Variants in GGA2 observed in about 807,000 individuals in gnomAD.
GGA2 encodes ADP-ribosylation factor-binding protein GGA2.
GGA2 carries 48 observed loss-of-function variants against 79.5 expected under a neutral mutation model. That is an observed-to-expected ratio of 0.60 (90% CI 0.48 to 0.77). The LOEUF (loss-of-function observed/expected upper bound fraction) is 0.77, where lower values mean the gene tolerates loss of function less well. GGA2 is among the 30% of genes least tolerant of loss of function. The pLI is 0.00. For synonymous variants in GGA2, 317 were observed against 302.0 expected (o/e 1.05, Z -0.51); for missense variants, 770 against 774.0 (o/e 0.99, Z 0.06).
chr16:23,520,847 G>A (rs1965136480), intron 1 of GGA2, among the ~76,000 whole-genome samples: 1 of 152,076 alleles, frequency 6.6e-6, no homozygotes, highest in Non-Finnish European at 1.5e-5. Flanking sequence ...GGAGTACAAT[G>A]GTGTGATCTT....
chr16:23,497,419 C>T (rs1191210378), intron 1 of GGA2, among the ~76,000 whole-genome samples: 1 of 152,070 alleles, frequency 6.6e-6, no homozygotes, highest in African/African-American at 2.4e-5. Context: ...CAGCACAGTC[C>T]GAGTTGAATT....
chr16:23,484,064 G>A (rs951972067), intron 8 of GGA2, among the ~76,000 whole-genome samples: 2 of 151,126 alleles, frequency 1.3e-5, no homozygotes, highest in Non-Finnish European at 3.0e-5. Flanking sequence ...CAAGGCAGGT[G>A]GATCACCTCA....
At chr16:23,512,535 C>G (rs1443383235), upstream of GGA2, among the ~76,000 whole-genome samples, 1 of 146,772 alleles carries the variant, frequency 6.8e-6, no homozygotes, top group Non-Finnish European at 1.5e-5. Flanking sequence ...TGTCCACACA[C>G]AAGCAAATGA....
At chr16:23,504,119 C>T (rs959953786) in intron 1 of GGA2, among the ~76,000 whole-genome samples, 3 of 151,164 alleles carry the variant, frequency 2.0e-5, no homozygotes, top group Non-Finnish European at 4.4e-5. Context: ...GGGTCAGATA[C>T]CATGCCAGAT....
chr16:23,478,990 T>G, intron 11 of GGA2, 79 bp from the exon 12 acceptor site: 1 of 963,878 alleles, frequency 1.0e-6, no homozygotes, highest in African/African-American at 1.6e-5. Context: ...ACACCCATCC[T>G]TTCTAGGACA....
intron 13 of GGA2, 45 bp from the exon 14 acceptor site, chr16:23,475,106 G>A (rs761958917): frequency 3.3e-5 from 42 of 1,265,214 alleles, no homozygotes; most frequent in South Asian, 4.2e-5. Context: ...AAATTGTAGC[G>A]ATTTCCTGGA....
In GGA2 at chr16:23,464,145, G is replaced by C. The variant is rs1964405875; in HGVS notation, c.*3445C>G. 1 of 152,056 alleles carries C rather than the reference G, an allele frequency of 6.6e-6. No individual in the cohort carries two copies. Among genetic ancestry groups the C allele is most frequent in the African/African-American group, 2.4e-5 (1 of 41,380 alleles). The allele number at this position is 152,056 out of a possible 1,614,324, so 9.4% of individuals were successfully genotyped here. On this transcript the variant is annotated 3_prime_UTR_variant, in exon 17 of 17. Coordinates refer to ENST00000309859, the MANE Select transcript of GGA2 (RefSeq NM_015044.4). Reference sequence around the variant, plus strand: ...GTCTCAATTTACACTATTTGTACTAGGTAATATTCACTTTTCTTTTGGTTG... The same window carrying C: ...GTCTCAATTTACACTATTTGTACTACGTAATATTCACTTTTCTTTTGGTTG...
rs1164741175 is a variant in GGA2 at position 23,478,424 on chromosome 16, A to G, written c.1236T>C (p.Pro412=). The change falls in exon 13 of 17, where the codon CCT becomes CCC. Residue 412 remains proline, a synonymous_variant. Transcript: ENST00000309859. The part of the protein sequence containing the change: ...STLPGGGVQN[P]SADRNLLDLL... ...GGTCCAGCAAATTCCTGTCTGCAGA[A>G]GGGTTCTGAACACCACCGCCTGGCA... 1.2e-6 allele frequency: 2 copies of G among 1,611,702 alleles called. No homozygotes were observed. The highest frequency in any genetic ancestry group is 1.7e-6 in the Non-Finnish European group (2 of 1,178,414).
At chr16:23,500,400 C>A (rs1964907766) in intron 1 of GGA2, among the ~76,000 whole-genome samples, 2 of 152,074 alleles carry the variant, frequency 1.3e-5, no homozygotes, top group Admixed American at 6.5e-5. Context: ...CCAGGGGGGT[C>A]TGCGGAGCTG....
intron 14 of GGA2, among the ~76,000 whole-genome samples, chr16:23,473,914 T>C (rs928345499): frequency 6.6e-6 from 1 of 152,234 alleles, no homozygotes; most frequent in Non-Finnish European, 1.5e-5. Flanking sequence ...TGTTTATTTA[T>C]AAATTTGTCT....
At chr16:23,473,624 G>A (rs1435321670) in intron 14 of GGA2, among the ~76,000 whole-genome samples, 7 of 151,756 alleles carry the variant, frequency 4.6e-5, no homozygotes, top group Admixed American at 4.6e-4. Flanking sequence ...CACTGCGTCT[G>A]GCCTATTCTA....
Position 23,510,401 on chromosome 16 carries a change from G to T in GGA2, c.11C>A (p.Thr4Asn). The T allele has an allele frequency of 7.2e-7, 1 of 1,379,394 alleles. No homozygotes were observed. Among genetic ancestry groups the T allele is most frequent in the Non-Finnish European group, 9.4e-7 (1 of 1,059,714 alleles). The allele number at this position is 1,379,394 out of a possible 1,614,324, so 85.4% of individuals were successfully genotyped here. Residue 4 changes from threonine (T) to asparagine (N), a missense_variant, in exon 1 of 17, where the codon ACC becomes AAC. By Grantham distance (65) the Thr-to-Asn change is moderately conservative. Transcript: ENST00000309859. Reference protein sequence around the residue: MAATAVAAAVAGTE... With the variant: MAANAVAAAVAGTE... Reference sequence around the variant, plus strand: ...TCCCGCCACAGCCGCCGCCACCGCGGTCGCCGCCATCGCTCCAGCCCCGAC... The same window carrying T: ...TCCCGCCACAGCCGCCGCCACCGCGTTCGCCGCCATCGCTCCAGCCCCGAC...
At chr16:23,498,045 C>T (rs1352406479) in intron 1 of GGA2, among the ~76,000 whole-genome samples, 1 of 152,022 alleles carries the variant, frequency 6.6e-6, no homozygotes, top group Middle Eastern at 3.2e-3. Context: ...TTTGGGAGGC[C>T]GAGGAGGGTG....
chr16:23,513,212 T>C (rs1965083983), upstream of GGA2, among the ~76,000 whole-genome samples: 5 of 152,162 alleles, frequency 3.3e-5, no homozygotes, highest in South Asian at 1.0e-3. Flanking sequence ...TTAACATTTT[T>C]ACATTGTTGG....
intron 8 of GGA2, among the ~76,000 whole-genome samples, chr16:23,483,519 G>A (rs1964675117): frequency 6.6e-6 from 1 of 152,238 alleles, no homozygotes; most frequent in South Asian, 2.1e-4. Context: ...TAAAAAACTG[G>A]AATGCAGAGG....
chr16:23,472,184 G>GTTT (rs749688834), intron 14 of GGA2, among the ~76,000 whole-genome samples: 22 of 54,864 alleles, frequency 4.0e-4, no homozygotes, highest in East Asian at 1.1e-3. Context: ...TGTAGCCCTG[G>GTTT]TTTTTTTTTT....
chr16:23,477,140 T>C (rs2142118222), intron 13 of GGA2, among the ~76,000 whole-genome samples: 1 of 152,182 alleles, frequency 6.6e-6, no homozygotes, highest in South Asian at 2.1e-4. Context: ...TTTGTAGAGA[T>C]GGGGTTTTGC....
intron 1 of GGA2, among the ~76,000 whole-genome samples, chr16:23,509,955 G>A (rs1251005947): frequency 6.6e-6 from 1 of 151,868 alleles, no homozygotes; most frequent in Non-Finnish European, 1.5e-5. Context: ...AATAATAGAA[G>A]CCAGCTCGGG....
At chr16:23,516,731 C>G (rs1161764560) in intron 2 of GGA2, among the ~76,000 whole-genome samples, 2 of 152,172 alleles carry the variant, frequency 1.3e-5, no homozygotes, top group Non-Finnish European at 2.9e-5. Flanking sequence ...ACGCAGACTC[C>G]CTTCATCTCC....
Sources: allele counts gnomAD v4.1 joint callset (sites outside exome capture counted in the v4.1 genomes callset), GRCh38; gene constraint gnomAD v4.1.1; transcripts MANE v1.5; gene names NCBI Gene and HGNC (gene_info 2026-07-23, HGNC 2026-07-21).